Variants in TBC1D5 observed in about 807,000 individuals in gnomAD.
TBC1D5 encodes TBC1 domain family member 5.
A neutral mutation model predicts 100.3 loss-of-function variants in TBC1D5; 75 were observed. That is an observed-to-expected ratio of 0.75 (90% CI 0.62 to 0.91). The LOEUF (loss-of-function observed/expected upper bound fraction) is 0.91. Among genes scored for constraint, TBC1D5 ranks in the 40% least tolerant of loss-of-function variants. The probability of loss-of-function intolerance (pLI) is 0.00; values close to 1 mark genes in which losing one functional copy is unlikely to be tolerated. For synonymous variants in TBC1D5, 323 were observed against 325.6 expected (o/e 0.99, Z 0.09); for missense variants, 910 against 942.4 (o/e 0.97, Z 0.45).
intron 18 of TBC1D5, among the ~76,000 whole-genome samples, chr3:17,194,719 G>GA (rs991975080): frequency 6.6e-6 from 1 of 152,048 alleles, no homozygotes; most frequent in Non-Finnish European, 1.5e-5. Flanking sequence ...TATGATTTCT[G>GA]AAAAAATCAT....
intron 3 of TBC1D5, among the ~76,000 whole-genome samples, chr3:17,443,408 C>CA (rs1279076267): frequency 6.6e-6 from 1 of 152,188 alleles, no homozygotes. Context: ...TATAGTTCAA[C>CA]AATGTATAGC....
intron 18 of TBC1D5, among the ~76,000 whole-genome samples, chr3:17,207,314 G>C (rs1023469222): frequency 6.6e-6 from 1 of 152,154 alleles, no homozygotes; most frequent in African/African-American, 2.4e-5. Context: ...CTTCTAGAAA[G>C]CTAAGTATTG....
intron 16 of TBC1D5, among the ~76,000 whole-genome samples, chr3:17,252,177 T>C (rs1203278833): frequency 2.0e-5 from 3 of 152,228 alleles, no homozygotes; most frequent in Non-Finnish European, 2.9e-5. Flanking sequence ...TGTCACTTTA[T>C]CTAGTGACGG....
At chr3:17,469,794 T>C (rs2095351926) in intron 3 of TBC1D5, among the ~76,000 whole-genome samples, 3 of 151,148 alleles carry the variant, frequency 2.0e-5, no homozygotes. Flanking sequence ...AGGAAGACAT[T>C]ATTCAGTTAT....
intron 2 of TBC1D5, among the ~76,000 whole-genome samples, chr3:17,600,828 G>C (rs572473273): frequency 4.9e-4 from 74 of 150,980 alleles, no homozygotes; most frequent in Middle Eastern, 3.4e-3. Flanking sequence ...AAGACCGGGC[G>C]GGGGAAAAAA....
chr3:17,331,920 G>A (rs1273752253), intron 13 of TBC1D5, among the ~76,000 whole-genome samples: 1 of 152,196 alleles, frequency 6.6e-6, no homozygotes, highest in Admixed American at 6.5e-5. Context: ...TTGGAGAGGT[G>A]GCCAGGGCCC....
At chr3:17,479,475 T>A (rs1055641480) in intron 3 of TBC1D5, among the ~76,000 whole-genome samples, 2 of 152,198 alleles carry the variant, frequency 1.3e-5, no homozygotes, top group African/African-American at 4.8e-5. Context: ...AACATAATAT[T>A]AAAGTTGCAA....
intron 2 of TBC1D5, among the ~76,000 whole-genome samples, chr3:17,570,101 T>C (rs2096617619): frequency 6.6e-6 from 1 of 151,966 alleles, no homozygotes; most frequent in African/African-American, 2.4e-5. Context: ...CTCAGAGACT[T>C]AGCCAGTATG....
chr3:17,372,156 T>TG lies in TBC1D5; in HGVS notation c.913dup (p.Gln305ProfsTer9). ...ATCATGCTTCTTCAGTAGATGATCC[T>TG]GGATCTGGTTGACTTTAGTAACAAT... On this transcript the variant is annotated frameshift_variant, in exon 13 of 22. Transcript: ENST00000253692. LOFTEE classifies it high-confidence loss of function. 1 of 1,613,878 alleles carries TG rather than the reference T, an allele frequency of 6.2e-7. No individual in the cohort carries two copies. The highest frequency in any genetic ancestry group is 8.5e-7 in the Non-Finnish European group (1 of 1,179,830).
At chr3:17,456,032 T>G (rs2095077056) in intron 3 of TBC1D5, among the ~76,000 whole-genome samples, 1 of 152,052 alleles carries the variant, frequency 6.6e-6, no homozygotes, top group African/African-American at 2.4e-5. Flanking sequence ...AAGGTGCCAC[T>G]AACATACATC....
At chr3:17,411,022 T>C (rs1399715032) in intron 4 of TBC1D5, among the ~76,000 whole-genome samples, 4 of 152,160 alleles carry the variant, frequency 2.6e-5, no homozygotes, top group Admixed American at 2.0e-4. Context: ...GAGAAATCTT[T>C]ATTGAAAAGA....
At chr3:17,431,861 T>A (rs1469166550) in intron 3 of TBC1D5, among the ~76,000 whole-genome samples, 3 of 152,124 alleles carry the variant, frequency 2.0e-5, no homozygotes, top group Non-Finnish European at 4.4e-5. Flanking sequence ...TGAAGTCATG[T>A]TTAACAAAGG....
intron 8 of TBC1D5, among the ~76,000 whole-genome samples, chr3:17,391,691 C>G (rs2093355208): frequency 6.6e-6 from 1 of 151,976 alleles, no homozygotes; most frequent in Non-Finnish European, 1.5e-5. Context: ...AAAAGACAAT[C>G]TGCAAAGAGG....
intron 1 of TBC1D5, among the ~76,000 whole-genome samples, chr3:17,729,261 T>C (rs2076364490): frequency 2.6e-5 from 4 of 151,088 alleles, no homozygotes; most frequent in Non-Finnish European, 4.4e-5. Context: ...AAATTTCTAT[T>C]ACACATACCC....
At chr3:17,490,874 C>T (rs1381495911) in intron 3 of TBC1D5, among the ~76,000 whole-genome samples, 2 of 152,158 alleles carry the variant, frequency 1.3e-5, no homozygotes, top group Non-Finnish European at 2.9e-5. Context: ...ATGGTAATAA[C>T]ATTAGATCTA....
intron 2 of TBC1D5, 27 bp from the exon 3 acceptor site, chr3:17,508,632 A>T (rs2095869081): frequency 8.8e-6 from 10 of 1,134,788 alleles, no homozygotes; most frequent in South Asian, 3.7e-5. Flanking sequence ...TACAGAGAAA[A>T]ATAATAAATT....
rs762203515 is a variant in TBC1D5 at position 17,258,556 on chromosome 3, T to C, written c.1281A>G (p.Pro427=). 4.3e-6 allele frequency: 7 copies of C among 1,612,830 alleles called. No individual in the cohort carries two copies. In the African/African-American group the frequency reaches 8.0e-5, roughly 18 times the overall value. The change falls in exon 16 of 22, where the codon CCA becomes CCG. Residue 427 remains proline, a synonymous_variant. Coordinates refer to ENST00000253692, the Ensembl canonical transcript of TBC1D5. ...CTCGTGCTTTGTAATAATCTAAATT[T>C]GGATGGAATTGATAAGTCACTGGTC...
intron 2 of TBC1D5, among the ~76,000 whole-genome samples, chr3:17,620,530 A>G (rs2062573667): frequency 2.6e-5 from 4 of 152,252 alleles, no homozygotes. Flanking sequence ...ATACTGATAC[A>G]TGAAAAAAGT....
Position 17,182,052 on chromosome 3 carries a change from T to C in TBC1D5, c.1852+3057A>G, listed in dbSNP as rs143701408. ...AATAATTTCTTAAGAAGCCATAATA[T>C]GTTAAAAAACAAATCAAGAGCATCA... is the stretch of plus-strand genomic sequence containing the variant. On this transcript the variant is annotated intron_variant, in intron 19 of 21. Coordinates refer to ENST00000253692, the Ensembl canonical transcript of TBC1D5. 1.5e-3 allele frequency among the ~76,000 whole-genome samples: 221 copies of C among 152,328 alleles called. 1 individual carries two copies. The highest frequency in any genetic ancestry group is 8.5e-3 in the East Asian group (44 of 5,190).
Sources: allele counts gnomAD v4.1 joint callset (sites outside exome capture counted in the v4.1 genomes callset), GRCh38; gene constraint gnomAD v4.1.1; transcripts MANE v1.5; gene names NCBI Gene and HGNC (gene_info 2026-07-23, HGNC 2026-07-21).